Variants in FER observed in about 807,000 individuals in gnomAD.
FER encodes tyrosine-protein kinase Fer.
FER carries 63 observed loss-of-function variants against 111.0 expected under a neutral mutation model. That is an observed-to-expected ratio of 0.57 (90% confidence interval 0.46 to 0.70). The LOEUF (loss-of-function observed/expected upper bound fraction) is 0.70. Ranked by LOEUF, FER falls within the 30% of genes least tolerant of loss-of-function variation. FER has a pLI of 0.00. For synonymous variants in FER, 327 were observed against 313.9 expected (o/e 1.04, Z -0.44); for missense variants, 914 against 954.0 (o/e 0.96, Z 0.55).
intron 17 of FER, among the ~76,000 whole-genome samples, chr5:109,103,318 G>A (rs907406166): frequency 1.3e-5 from 2 of 152,048 alleles, no homozygotes; most frequent in African/African-American, 4.8e-5. Context: ...GTATATAGTT[G>A]AAAATATTTC....
intron 5 of FER, among the ~76,000 whole-genome samples, chr5:108,863,265 A>AT (rs1325261619): frequency 1.3e-5 from 2 of 152,094 alleles, no homozygotes; most frequent in African/African-American, 4.8e-5. Flanking sequence ...GACCACAGGC[A>AT]TGCACCACCA....
At position 108,938,024 on chromosome 5, in the gene FER, TCTCACACA is replaced by T. The variant is rs1465512729; in HGVS notation, c.1237-8104_1237-8097del. Among the ~76,000 whole-genome samples, 478 of 78,030 alleles carry T rather than the reference TCTCACACA, an allele frequency of 6.1e-3. 3 individuals are homozygous for T. The highest frequency in any genetic ancestry group is 0.02 in the African/African-American group (430 of 21,534). The allele number at this position is 78,030 out of a possible 152,430, so 51.2% of individuals were successfully genotyped here. On this transcript the variant is annotated intron_variant, in intron 10 of 19. Coordinates refer to ENST00000281092, the MANE Select transcript of FER (RefSeq NM_005246.4). ...TCCCTCCTTTTTTTCCCTATCTCTCTCTCACACACACACACACACACACACACACACAC... is the reference window on the plus strand; with the variant it reads ...TCCCTCCTTTTTTTCCCTATCTCTCTCACACACACACACACACACACACAC...
At chr5:108,877,071 A>C (rs1380534668) in intron 8 of FER, among the ~76,000 whole-genome samples, 1 of 152,192 alleles carries the variant, frequency 6.6e-6, no homozygotes, top group Admixed American at 6.5e-5. Context: ...GACTCCTGTT[A>C]CAGAGGATGA....
At chr5:109,175,561 T>G (rs1757586000) in intron 17 of FER, among the ~76,000 whole-genome samples, 1 of 152,146 alleles carries the variant, frequency 6.6e-6, no homozygotes, top group Admixed American at 6.6e-5. Flanking sequence ...GGCTAAGACT[T>G]CAAAAGCTCA....
chr5:108,892,986 G>A (rs1173600780), intron 9 of FER, among the ~76,000 whole-genome samples: 4 of 152,184 alleles, frequency 2.6e-5, no homozygotes, highest in Non-Finnish European at 2.9e-5. Context: ...GTAGATATGC[G>A]GCATTATTTC....
chr5:109,050,730 A>G (rs1163595611), intron 16 of FER, among the ~76,000 whole-genome samples: 1 of 152,192 alleles, frequency 6.6e-6, no homozygotes, highest in Admixed American at 6.5e-5. Context: ...TGAATTTTAA[A>G]CTGATACCAA....
intron 9 of FER, among the ~76,000 whole-genome samples, chr5:108,897,165 A>G (rs934766690): frequency 3.3e-5 from 5 of 152,164 alleles, no homozygotes; most frequent in South Asian, 4.1e-4. Context: ...AGTCCTTGTC[A>G]TAGTAGTTTC....
At chr5:109,114,358 A>G (rs1749984306) in intron 17 of FER, among the ~76,000 whole-genome samples, 1 of 152,170 alleles carries the variant, frequency 6.6e-6, no homozygotes. Flanking sequence ...AGTAAACTTT[A>G]TTCAAATAAT....
At chr5:109,092,125 C>T (rs886272025) in intron 16 of FER, among the ~76,000 whole-genome samples, 2 of 151,410 alleles carry the variant, frequency 1.3e-5, no homozygotes, top group Non-Finnish European at 2.9e-5. Context: ...TTGGAGTTGC[C>T]TAAAATGACC....
chr5:108,799,679 T>G (rs1439803217), intron 3 of FER, among the ~76,000 whole-genome samples: 1 of 152,220 alleles, frequency 6.6e-6, no homozygotes, highest in Non-Finnish European at 1.5e-5. Context: ...CAATTTCATC[T>G]GTGGGTATAA....
chr5:109,118,559 T>G (rs1750564616), intron 17 of FER, among the ~76,000 whole-genome samples: 1 of 152,324 alleles, frequency 6.6e-6, no homozygotes, highest in South Asian at 2.1e-4. Flanking sequence ...TTCTATTGAT[T>G]GGAATAGTTT....
At chr5:108,843,848 A>T (rs1761532139) in intron 5 of FER, among the ~76,000 whole-genome samples, 1 of 152,046 alleles carries the variant, frequency 6.6e-6, no homozygotes, top group Non-Finnish European at 1.5e-5. Context: ...TTTTTATAAA[A>T]TCAAATTTTT....
chr5:109,077,018 T>C (rs549227857), intron 16 of FER, among the ~76,000 whole-genome samples: 2 of 152,376 alleles, frequency 1.3e-5, no homozygotes, highest in East Asian at 3.9e-4. Context: ...GCCAGTCTTC[T>C]TCACATCTCT....
chr5:108,872,191 C>G lies in FER; in HGVS notation c.902C>G (p.Thr301Arg). Reference sequence around the variant, plus strand: ...AATGAGATCATGTGGAATAACTTAACAGCAGAAAGTTTGCAAGTAATGTAA... The same window carrying G: ...AATGAGATCATGTGGAATAACTTAAGAGCAGAAAGTTTGCAAGTAATGTAA... ...QANEIMWNNL[T>R]AESLQVMLKT... The change falls in exon 8 of 20, where the codon ACA (threonine) becomes AGA (arginine). Residue 301 changes from threonine (T) to arginine (R), a missense_variant. Around this residue, in one of 3 missense-constraint regions of FER, gnomAD observed 774 missense variants for 782.6 expected, o/e 0.99. Transcript: ENST00000281092. 2 of 1,608,234 alleles carry G rather than the reference C, an allele frequency of 1.2e-6. No individual in the cohort carries two copies. Among genetic ancestry groups the G allele is most frequent in the Non-Finnish European group, 1.7e-6 (2 of 1,177,570 alleles).
intron 16 of FER, among the ~76,000 whole-genome samples, chr5:109,075,444 T>A (rs931106398): frequency 6.6e-6 from 1 of 151,180 alleles, no homozygotes; most frequent in African/African-American, 2.4e-5. Flanking sequence ...TTTTTTTTTT[T>A]TTTGAGGCAG....
intron 18 of FER, among the ~76,000 whole-genome samples, chr5:109,182,955 C>A (rs1413258886): frequency 6.6e-6 from 1 of 152,150 alleles, no homozygotes; most frequent in Admixed American, 6.5e-5. Context: ...AGTCCTCCCA[C>A]CTCATCCTCC....
chr5:108,854,224 T>C (rs1286406920), intron 5 of FER, among the ~76,000 whole-genome samples: 2 of 152,222 alleles, frequency 1.3e-5, no homozygotes, highest in South Asian at 4.1e-4. Context: ...AATTTAACAT[T>C]GAACTCACAA....
At chr5:109,147,078 G>T (rs1300479870) in intron 17 of FER, among the ~76,000 whole-genome samples, 1 of 151,776 alleles carries the variant, frequency 6.6e-6, no homozygotes, top group Non-Finnish European at 1.5e-5. Context: ...GGAAAAATGG[G>T]TAAAGGAGAT....
intron 13 of FER, among the ~76,000 whole-genome samples, chr5:108,988,894 C>T (rs1762858468): frequency 6.6e-6 from 1 of 152,006 alleles, no homozygotes; most frequent in Non-Finnish European, 1.5e-5. Flanking sequence ...TCTATTTGTA[C>T]TCTTTCAGAC....
Sources: gnomAD v4.1 joint callset for allele counts (sites outside exome capture counted in the v4.1 genomes callset) on GRCh38, gnomAD v4.1.1 for gene constraint, gnomAD v4.1.1 regional missense constraint, MANE v1.5 for transcripts, NCBI Gene and HGNC (gene_info 2026-07-23, HGNC 2026-07-21) for gene names.